Variants in PIK3R5 observed in about 807,000 individuals in gnomAD.
PIK3R5 encodes phosphoinositide-3-kinase regulatory subunit 5, also known as phosphoinositide 3-kinase regulatory subunit 5.
PIK3R5 carries 32 observed loss-of-function variants against 94.9 expected under a neutral mutation model. The ratio of observed to expected loss-of-function variants is 0.34; its 90% CI spans 0.25 to 0.45. PIK3R5 has a LOEUF of 0.45. Among genes scored for constraint, PIK3R5 ranks in the 20% least tolerant of loss-of-function variants. The probability of loss-of-function intolerance (pLI) is 1.00; values close to 1 mark genes in which losing one functional copy is unlikely to be tolerated. For missense variants in PIK3R5, 853 were observed against 1,144.6 expected, an observed-to-expected ratio of 0.75 and a Z score of 3.68; for synonymous variants, 443 against 479.4, an observed-to-expected ratio of 0.92 and a Z score of 0.99.
At position 8,896,358 on chromosome 17, in the gene PIK3R5, T is replaced by C. The variant is rs2090153060; in HGVS notation, c.413-2703A>G. ...TCAGATCCACAGACACCTCTCTCCC[T>C]TTGATCTTAGATCACACCCTTTCTT... On this transcript the variant is annotated intron_variant, in intron 5 of 18. Transcript: ENST00000447110. The surrounding 1 kb of genome is among the most constrained non-coding windows in gnomAD (Gnocchi z 4.0). 6.6e-6 allele frequency among the ~76,000 whole-genome samples: 1 copy of C among 152,178 alleles called. No homozygotes were observed. The highest frequency in any genetic ancestry group is 1.5e-5 in the Non-Finnish European group (1 of 68,036).
chr17:8,952,058 A>G (rs899308119), intron 1 of PIK3R5, among the ~76,000 whole-genome samples: 2 of 152,224 alleles, frequency 1.3e-5, no homozygotes, highest in Admixed American at 6.5e-5. Flanking sequence ...TTGCTAGAGC[A>G]GCCATTATGG....
chr17:8,952,715 T>C (rs775621252), intron 1 of PIK3R5, among the ~76,000 whole-genome samples: 6 of 152,234 alleles, frequency 3.9e-5, no homozygotes, highest in Non-Finnish European at 8.8e-5. Context: ...AAATTTTTTC[T>C]CCTTAAACAA....
Position 8,909,019 on chromosome 17 carries a change from TC to T in PIK3R5, c.204+54del, listed in dbSNP as rs1401065117. 2 of 1,088,050 alleles carry T rather than the reference TC, an allele frequency of 1.8e-6. No homozygotes were observed. Among genetic ancestry groups the T allele is most frequent in the Non-Finnish European group, 2.8e-6 (2 of 722,874 alleles). 67.4% of individuals were successfully genotyped at this position (1,088,050 alleles called of 1,614,324 possible). A position where few individuals can be genotyped will look rare whatever the true frequency, so the allele number is the denominator to read the frequency against. ...AATGATGTTCTCTGGGACCTATTTC[TC>T]CACTCTACGAGGCCGACCCCAGATC... On this transcript the variant is annotated intron_variant, in intron 3 of 18. Transcript: ENST00000447110. This position sits in a 1 kb window ranked among gnomAD's most constrained non-coding sequence, Gnocchi z 4.3.
In PIK3R5 at chr17:8,914,490, A is replaced by G. The variant is rs574085099; in HGVS notation, c.-13-2983T>C. On this transcript the variant is annotated intron_variant, in intron 1 of 18. Transcript: ENST00000447110. ...TGCTGGGAGGTGTCAGTCCAGAACC[A>G]GCACAGTGACCCGCCAATCCCTGTC... Among the ~76,000 whole-genome samples the G allele has an allele frequency of 3.9e-5, 6 of 152,348 alleles. No individual in the cohort carries two copies. The East Asian group carries it at 1.2e-3, about 29-fold the overall frequency.
intron 1 of PIK3R5, among the ~76,000 whole-genome samples, chr17:8,931,888 T>C (rs1235602097): frequency 6.6e-6 from 1 of 152,202 alleles, no homozygotes; most frequent in African/African-American, 2.4e-5. Context: ...TAGACATCCA[T>C]TAAATTTTAA....
intron 3 of PIK3R5, among the ~76,000 whole-genome samples, chr17:8,907,693 G>A (rs2090427163): frequency 6.6e-6 from 1 of 151,290 alleles, no homozygotes; most frequent in Non-Finnish European, 1.5e-5. Flanking sequence ...AGGCTGGAGT[G>A]CAGTGGCACG....
In PIK3R5 at chr17:8,960,071, G is replaced by A. The variant is rs907855559; in HGVS notation, c.-14+5525C>T. On this transcript the variant is annotated intron_variant, in intron 1 of 18. Transcript: ENST00000447110. ...GACCTTGGAATACGGGGAGGGGTGA[G>A]GAAGGTGGGAACGAGTCCCTGGTCT... Among the ~76,000 whole-genome samples, 46 of 152,124 alleles carry A rather than the reference G, an allele frequency of 3.0e-4. 1 individual carries two copies. The highest frequency in any genetic ancestry group is 2.7e-3 in the Admixed American group (42 of 15,280).
chr17:8,905,766 C>A (rs2151401574), intron 3 of PIK3R5, 29 bp from the exon 4 acceptor site: 3 of 1,531,166 alleles, frequency 2.0e-6, no homozygotes, highest in Non-Finnish European at 2.7e-6. Flanking sequence ...GGGGAATGAG[C>A]CTCATTCACG....
At chr17:8,885,427 C>A (rs2089801133) in intron 14 of PIK3R5, among the ~76,000 whole-genome samples, 2 of 150,348 alleles carry the variant, frequency 1.3e-5, no homozygotes, top group Non-Finnish European at 3.0e-5. Context: ...CCCGCCTCCC[C>A]ATGGCCTCGC....
chr17:8,911,662 G>C lies in PIK3R5; in HGVS notation c.-13-155C>G. 1 of 585,434 alleles carries C rather than the reference G, an allele frequency of 1.7e-6. No homozygotes were observed. The highest frequency in any genetic ancestry group is 2.0e-5 in the South Asian group (1 of 49,666). The allele number at this position is 585,434 out of a possible 1,614,324, so 36.3% of individuals were successfully genotyped here. A position where few individuals can be genotyped will look rare whatever the true frequency, so the allele number is the denominator to read the frequency against. ...AAACAGGACCAGGGGCCTTACAGCT[G>C]CCTCCAGGGTAGGAATGGCATCTGG... On this transcript the variant is annotated intron_variant, in intron 1 of 18. Coordinates refer to ENST00000447110, the MANE Select transcript of PIK3R5 (RefSeq NM_001142633.3). The surrounding 1 kb of genome is among the most constrained non-coding windows in gnomAD (Gnocchi z 5.3).
rs1858836 is a variant in PIK3R5 at position 8,916,735 on chromosome 17, G to A, written c.-13-5228C>T. 4.5e-3 allele frequency: 680 copies of A among 152,496 alleles called. 4 individuals carry two copies. The highest frequency in any genetic ancestry group is 0.016 in the African/African-American group (648 of 41,554). 9.4% of individuals were successfully genotyped at this position (152,496 alleles called of 1,614,324 possible). On this transcript the variant is annotated intron_variant, in intron 1 of 18. Transcript: ENST00000447110. ...TGTTGACAGGATGCCATGATGTGGAGGGCTCATCTTCCCTCTGGTGCAGGG... is the reference window on the plus strand; with the variant it reads ...TGTTGACAGGATGCCATGATGTGGAAGGCTCATCTTCCCTCTGGTGCAGGG...
At position 8,888,418 on chromosome 17, in the gene PIK3R5, C is replaced by G; in HGVS notation, c.1369G>C (p.Gly457Arg). The change falls in exon 10 of 19, where the codon GGG becomes CGG. Residue 457 changes from glycine to arginine, a missense_variant. Around this residue, in one of 6 missense-constraint regions of PIK3R5, gnomAD observed 319 missense variants for 339.8 expected, o/e 0.94. Coordinates refer to ENST00000447110, the MANE Select transcript of PIK3R5 (RefSeq NM_001142633.3). This position sits in a 1 kb window ranked among gnomAD's most constrained non-coding sequence, Gnocchi z 7.8. ...TCGTCCAGGGGGCTGCAGAGGCTCCCTGCCCGCCTCAGGGGCAGGGCCGTG... is the reference window on the plus strand; with the variant it reads ...TCGTCCAGGGGGCTGCAGAGGCTCCGTGCCCGCCTCAGGGGCAGGGCCGTG... ...SDTALPLRRA[G>R]SLCSPLDEPV... The G allele has an allele frequency of 6.4e-7, 1 of 1,572,540 alleles. No individual in the cohort carries two copies. Among genetic ancestry groups the G allele is most frequent in the Non-Finnish European group, 8.6e-7 (1 of 1,163,652 alleles).
chr17:8,887,602 C>G lies in PIK3R5; in HGVS notation c.1698G>C (p.Gly566=). The change falls in exon 11 of 19, where the codon GGG becomes GGC. Residue 566 remains glycine, a synonymous_variant. Transcript: ENST00000447110. The part of the protein sequence containing the change: ...FFYVPVKRSH[G]TSPGACPPPR... ...GGGGTGGACAGGCACCAGGGCTGGT[C>G]CCATGACTTCGCTTCACAGGCACGT... 6.2e-7 allele frequency: 1 copy of G among 1,609,900 alleles called. No homozygotes were observed. Among genetic ancestry groups the G allele is most frequent in the Non-Finnish European group, 8.5e-7 (1 of 1,178,194 alleles).
In PIK3R5 at chr17:8,911,235, G is replaced by A. The variant is rs981823016; in HGVS notation, c.103+157C>T. Among the ~76,000 whole-genome samples, 1 of 152,216 alleles carries A rather than the reference G, an allele frequency of 6.6e-6. No homozygotes were observed. Among genetic ancestry groups the A allele is most frequent in the Non-Finnish European group, 1.5e-5 (1 of 68,046 alleles). On this transcript the variant is annotated intron_variant, in intron 2 of 18. Transcript: ENST00000447110. The surrounding 1 kb of genome is among the most constrained non-coding windows in gnomAD (Gnocchi z 5.3). The stretch of plus-strand genomic sequence containing the variant: ...GAGGTCTGACTACATCAAGTGCTGC[G>A]CCAGGCACCTGCCCAGGAGAAGGCT...
At chr17:8,942,730 T>C (rs934443117) in intron 1 of PIK3R5, among the ~76,000 whole-genome samples, 2 of 151,952 alleles carry the variant, frequency 1.3e-5, no homozygotes, top group East Asian at 3.9e-4. Context: ...CTCAGCCTCC[T>C]GAGTAGCTGG....
intron 1 of PIK3R5, among the ~76,000 whole-genome samples, chr17:8,939,451 A>G (rs1419962038): frequency 6.6e-6 from 1 of 152,262 alleles, no homozygotes; most frequent in Admixed American, 6.5e-5. Flanking sequence ...TTAAATCATC[A>G]GATTTATGAA....
intron 14 of PIK3R5, among the ~76,000 whole-genome samples, chr17:8,885,320 C>A (rs1363562949): frequency 1.3e-5 from 2 of 150,662 alleles, no homozygotes; most frequent in South Asian, 2.1e-4. Context: ...CTGGGTAACA[C>A]CGCCTCCCCA....
Position 8,880,377 on chromosome 17 carries a change from C to A in PIK3R5, c.*262G>T. On this transcript the variant is annotated 3_prime_UTR_variant, in exon 19 of 19. Coordinates refer to ENST00000447110, the MANE Select transcript of PIK3R5 (RefSeq NM_001142633.3). ...GCTAATGGTCAGGGACTTCAGAGGT[C>A]AATTTACCCATCCTTCTCCTTCTAC... 1 of 387,716 alleles carries A rather than the reference C, an allele frequency of 2.6e-6. No homozygotes were observed. Among genetic ancestry groups the A allele is most frequent in the South Asian group, 7.6e-5 (1 of 13,088 alleles). 24.0% of individuals were successfully genotyped at this position (387,716 alleles called of 1,614,324 possible).
rs895543578 is a variant in PIK3R5 at position 8,945,494 on chromosome 17, A to G, written c.-14+20102T>C. 2.0e-5 allele frequency among the ~76,000 whole-genome samples: 3 copies of G among 152,228 alleles called. No homozygotes were observed. The highest frequency in any genetic ancestry group is 7.2e-5 in the African/African-American group (3 of 41,452). On this transcript the variant is annotated intron_variant, in intron 1 of 18. Transcript: ENST00000447110. The surrounding 1 kb of genome is among the most constrained non-coding windows in gnomAD (Gnocchi z 4.0). ...AGAGAGAGCCTGGGACAGGACTGCT[A>G]GCAGCAGTGGGAAGAGGAAGGCTGG... is the stretch of plus-strand genomic sequence containing the variant.
Sources: gnomAD v4.1 joint callset for allele counts (sites outside exome capture counted in the v4.1 genomes callset) on GRCh38, gnomAD v4.1.1 for gene constraint, gnomAD v4.1.1 regional missense constraint, Gnocchi (gnomAD v3.1) non-coding constraint, MANE v1.5 for transcripts, NCBI Gene and HGNC (gene_info 2026-07-23, HGNC 2026-07-21) for gene names.